The following NKAIN3 variants were observed in gnomAD, a reference collection of about 807,000 sequenced individuals.
The protein encoded by NKAIN3 is sodium/potassium-transporting ATPase subunit beta-1-interacting protein 3.
A neutral mutation model predicts 30.2 loss-of-function variants in NKAIN3; 25 were observed. The ratio of observed to expected loss-of-function variants is 0.83; its 90% CI spans 0.60 to 1.16. The LOEUF is 1.16. NKAIN3 is among the 50% of genes most tolerant of loss of function. The pLI, the probability that NKAIN3 is intolerant of heterozygous loss-of-function variation, is 0.00. For synonymous variants in NKAIN3, 91 were observed against 89.6 expected (o/e 1.02, Z -0.09); for missense variants, 225 against 254.1 (o/e 0.89, Z 0.78).
intron 4 of NKAIN3, among the ~76,000 whole-genome samples, chr8:62,772,764 G>A (rs534095159): frequency 1.3e-5 from 2 of 151,418 alleles, no homozygotes; most frequent in East Asian, 3.9e-4. Flanking sequence ...AGGTTCAAGC[G>A]ATTCTTTTGC....
At chr8:62,789,480 C>A (rs1817634027) in intron 4 of NKAIN3, among the ~76,000 whole-genome samples, 1 of 152,106 alleles carries the variant, frequency 6.6e-6, no homozygotes, top group Admixed American at 6.6e-5. Context: ...CATCTGAAAA[C>A]AGGGACAATT....
chr8:62,824,124 C>T (rs1233347669), intron 4 of NKAIN3, among the ~76,000 whole-genome samples: 2 of 152,132 alleles, frequency 1.3e-5, no homozygotes, highest in African/African-American at 4.8e-5. Flanking sequence ...TTTTATACCC[C>T]TGCATTGACC....
chr8:62,933,107 T>C (rs1336882949), intron 5 of NKAIN3, among the ~76,000 whole-genome samples: 1 of 152,078 alleles, frequency 6.6e-6, no homozygotes, highest in Admixed American at 6.6e-5. Context: ...TGCTGGATGA[T>C]GTGGAGCAGT....
chr8:62,932,357 A>C (rs367929308), intron 5 of NKAIN3, among the ~76,000 whole-genome samples: 3 of 152,232 alleles, frequency 2.0e-5, no homozygotes, highest in Non-Finnish European at 4.4e-5. Flanking sequence ...ATTACAGAAG[A>C]GTGAAATGCA....
At chr8:62,716,605 G>A (rs1163634801) in intron 3 of NKAIN3, among the ~76,000 whole-genome samples, 1 of 151,968 alleles carries the variant, frequency 6.6e-6, no homozygotes, top group Admixed American at 6.6e-5. Context: ...TATCCTTTTT[G>A]TTCTTTATTT....
At chr8:62,807,205 T>C (rs1215496804) in intron 4 of NKAIN3, among the ~76,000 whole-genome samples, 1 of 152,190 alleles carries the variant, frequency 6.6e-6, no homozygotes, top group Admixed American at 6.6e-5. Flanking sequence ...TACCCTTGTA[T>C]CCAAATTGAA....
intron 1 of NKAIN3, among the ~76,000 whole-genome samples, chr8:62,322,268 G>T (rs1173578308): frequency 6.6e-6 from 1 of 152,194 alleles, no homozygotes; most frequent in South Asian, 2.1e-4. Flanking sequence ...GTGACCCTTT[G>T]TGTTTCCTGG....
At chr8:62,609,919 G>A (rs1467148587) in intron 3 of NKAIN3, among the ~76,000 whole-genome samples, 2 of 151,486 alleles carry the variant, frequency 1.3e-5, no homozygotes, top group African/African-American at 4.9e-5. Flanking sequence ...ACATGATTTG[G>A]ATTTGGTCTC....
intron 1 of NKAIN3, among the ~76,000 whole-genome samples, chr8:62,559,606 C>A (rs986863472): frequency 1.3e-5 from 2 of 151,920 alleles, no homozygotes; most frequent in African/African-American, 4.8e-5. Flanking sequence ...TGGTTTCTCT[C>A]AGGGTGGCAT....
chr8:62,292,058 C>A (rs1049561802), intron 1 of NKAIN3, among the ~76,000 whole-genome samples: 1 of 152,056 alleles, frequency 6.6e-6, no homozygotes, highest in Non-Finnish European at 1.5e-5. Flanking sequence ...AGGATTACAA[C>A]CCCTGCTTTT....
In NKAIN3 at chr8:62,974,133, G is replaced by A. The variant is rs1823893366; in HGVS notation, c.*8726G>A. 1.3e-5 allele frequency among the ~76,000 whole-genome samples: 2 copies of A among 152,144 alleles called. No individual in the cohort carries two copies. Among genetic ancestry groups the A allele is most frequent in the Non-Finnish European group, 2.9e-5 (2 of 68,018 alleles). On this transcript the variant is annotated 3_prime_UTR_variant, in exon 7 of 7. Coordinates refer to ENST00000623646, the MANE Select transcript of NKAIN3 (RefSeq NM_001304533.3). ...AGCTTTGTTCTTTTTGCTTAGGATT[G>A]TTTTGGCTATATGGGCTCTTTTTGG... is the stretch of plus-strand genomic sequence containing the variant.
At chr8:62,815,045 C>G (rs529623728) in intron 4 of NKAIN3, among the ~76,000 whole-genome samples, 1 of 151,960 alleles carries the variant, frequency 6.6e-6, no homozygotes, top group Admixed American at 6.6e-5. Flanking sequence ...ATATCACCAC[C>G]GATCCCACAG....
chr8:62,874,976 G>A (rs1466430480), intron 4 of NKAIN3, among the ~76,000 whole-genome samples: 2 of 152,114 alleles, frequency 1.3e-5, no homozygotes, highest in African/African-American at 4.8e-5. Flanking sequence ...GGGCAATCAG[G>A]CAAGAGAAAG....
intron 1 of NKAIN3, among the ~76,000 whole-genome samples, chr8:62,382,160 C>T (rs1817298367): frequency 6.6e-6 from 1 of 152,090 alleles, no homozygotes; most frequent in Non-Finnish European, 1.5e-5. Flanking sequence ...TTATGGTTAA[C>T]ATAAACAGTC....
intron 1 of NKAIN3, among the ~76,000 whole-genome samples, chr8:62,501,788 A>G (rs567875464): frequency 2.6e-4 from 40 of 152,276 alleles, no homozygotes; most frequent in African/African-American, 9.6e-4. Flanking sequence ...TTTCCTGTGT[A>G]TAAGTATTCA....
chr8:62,308,692 G>A (rs1172665191), intron 1 of NKAIN3, among the ~76,000 whole-genome samples: 2 of 150,528 alleles, frequency 1.3e-5, no homozygotes, highest in African/African-American at 2.5e-5. Context: ...ACAATGGGAT[G>A]CAAGAGTCAT....
intron 3 of NKAIN3, among the ~76,000 whole-genome samples, chr8:62,615,876 T>A (rs1380039589): frequency 1.3e-5 from 2 of 151,946 alleles, no homozygotes; most frequent in African/African-American, 4.8e-5. Context: ...GATTCTAGAC[T>A]TTTTTTTAAT....
At chr8:62,362,771 T>C (rs990166225) in intron 1 of NKAIN3, among the ~76,000 whole-genome samples, 3 of 152,106 alleles carry the variant, frequency 2.0e-5, no homozygotes, top group Non-Finnish European at 2.9e-5. Flanking sequence ...TCAGAGAGAC[T>C]CCAAGGATGC....
chr8:62,679,524 A>C (rs980370787), intron 3 of NKAIN3, among the ~76,000 whole-genome samples: 2 of 152,216 alleles, frequency 1.3e-5, no homozygotes, highest in Admixed American at 1.3e-4. Flanking sequence ...CTAGGTATTT[A>C]TAAAGAAAAG....
Sources: allele counts gnomAD v4.1 joint callset (sites outside exome capture counted in the v4.1 genomes callset), GRCh38; gene constraint gnomAD v4.1.1; transcripts MANE v1.5; gene names NCBI Gene and HGNC (gene_info 2026-07-23, HGNC 2026-07-21).